Variants in CNTNAP2 observed in about 807,000 individuals in gnomAD.
CNTNAP2 encodes the protein contactin-associated protein-like 2.
A neutral mutation model predicts 155.2 loss-of-function variants in CNTNAP2; 98 were observed. That is an observed-to-expected ratio of 0.63 (90% CI 0.54 to 0.75). The LOEUF is 0.75. Among genes scored for constraint, CNTNAP2 ranks in the 30% least tolerant of loss-of-function variants. CNTNAP2 has a pLI of 0.00. For missense variants in CNTNAP2, 1,727 were observed against 1,688.1 expected (o/e 1.02, Z -0.40); for synonymous variants, 651 against 631.2 (o/e 1.03, Z -0.47).
intron 1 of CNTNAP2, among the ~76,000 whole-genome samples, chr7:146,146,527 T>C (rs2116766537): frequency 6.6e-6 from 1 of 152,276 alleles, no homozygotes; most frequent in African/African-American, 2.4e-5. Context: ...TTGAAGTTAT[T>C]TATTGCAAAG....
intron 12 of CNTNAP2, among the ~76,000 whole-genome samples, chr7:147,563,660 T>G (rs1444986622): frequency 8.0e-6 from 1 of 125,050 alleles, no homozygotes; most frequent in Non-Finnish European, 1.7e-5. Context: ...TAAATAAAAC[T>G]TGCCCATATT....
chr7:146,719,866 C>A lies in CNTNAP2; in HGVS notation c.98-54405C>A, dbSNP rs892100007. Among the ~76,000 whole-genome samples the A allele has an allele frequency of 2.0e-5, 3 of 152,076 alleles. No individual in the cohort carries two copies. In the South Asian group the frequency reaches 6.2e-4, roughly 32 times the overall value. ...TAATCCGATAAATGTCCAAAACTAT[C>A]ATTATATAGCATGACATTCAGTAAA... On this transcript the variant is annotated intron_variant, in intron 1 of 23. Coordinates refer to ENST00000361727, the MANE Select transcript of CNTNAP2 (RefSeq NM_014141.6).
chr7:146,791,969 T>C (rs1163895996), intron 2 of CNTNAP2, among the ~76,000 whole-genome samples: 1 of 152,164 alleles, frequency 6.6e-6, no homozygotes, highest in Non-Finnish European at 1.5e-5. Context: ...TTAGTTGGAA[T>C]AGAAAAAAGT....
intron 1 of CNTNAP2, among the ~76,000 whole-genome samples, chr7:146,404,648 A>G (rs1422177803): frequency 6.6e-6 from 1 of 152,154 alleles, no homozygotes; most frequent in African/African-American, 2.4e-5. Flanking sequence ...AAAGGCCTGC[A>G]GGATCTGGAA....
At chr7:148,023,080 T>C (rs1802314090) in intron 15 of CNTNAP2, among the ~76,000 whole-genome samples, 1 of 152,044 alleles carries the variant, frequency 6.6e-6, no homozygotes, top group African/African-American at 2.4e-5. Flanking sequence ...TAATGACAAT[T>C]ATAAAGATGT....
intron 1 of CNTNAP2, among the ~76,000 whole-genome samples, chr7:146,698,439 A>G (rs1800820248): frequency 6.6e-6 from 1 of 151,876 alleles, no homozygotes; most frequent in African/African-American, 2.4e-5. Flanking sequence ...CTGTACTTTT[A>G]TTTGTTTTTA....
intron 6 of CNTNAP2, among the ~76,000 whole-genome samples, chr7:147,127,491 G>T (rs939613118): frequency 2.6e-5 from 4 of 151,784 alleles, no homozygotes; most frequent in Admixed American, 2.6e-4. Context: ...TTTGTTCATG[G>T]ACCTTCCAGA....
intron 18 of CNTNAP2, among the ~76,000 whole-genome samples, chr7:148,202,252 G>A (rs973292659): frequency 3.3e-5 from 5 of 152,118 alleles, no homozygotes; most frequent in South Asian, 2.1e-4. Context: ...GGCTTGGCAC[G>A]CACATCACTA....
intron 1 of CNTNAP2, among the ~76,000 whole-genome samples, chr7:146,218,032 C>A (rs1799142316): frequency 6.6e-6 from 1 of 151,934 alleles, no homozygotes; most frequent in Non-Finnish European, 1.5e-5. Context: ...ATGTATGGAC[C>A]AAAGGCAAAT....
At chr7:148,223,578 A>G (rs1795790135) in intron 19 of CNTNAP2, among the ~76,000 whole-genome samples, 1 of 152,222 alleles carries the variant, frequency 6.6e-6, no homozygotes, top group African/African-American at 2.4e-5. Flanking sequence ...ATGGACAAAT[A>G]CTAGCATTCT....
At chr7:146,451,836 A>ATACGTG (rs1796485133) in intron 1 of CNTNAP2, among the ~76,000 whole-genome samples, 2 of 64,270 alleles carry the variant, frequency 3.1e-5, no homozygotes, top group African/African-American at 3.5e-4. Context: ...ATATATATAC[A>ATACGTG]TATATATATA....
At chr7:147,181,349 A>T (rs892204675) in intron 8 of CNTNAP2, among the ~76,000 whole-genome samples, 1 of 152,220 alleles carries the variant, frequency 6.6e-6, no homozygotes, top group Non-Finnish European at 1.5e-5. Flanking sequence ...TATTTTAAAG[A>T]TTAGAATTCA....
chr7:147,779,271 G>T (rs1190974741), intron 13 of CNTNAP2, among the ~76,000 whole-genome samples: 4 of 152,174 alleles, frequency 2.6e-5, no homozygotes, highest in Non-Finnish European at 4.4e-5. Flanking sequence ...GTATTTATGG[G>T]CATCAACTAA....
chr7:148,400,052 C>T lies in CNTNAP2; in HGVS notation c.3716-9339C>T, dbSNP rs143952102. 9.8e-3 allele frequency among the ~76,000 whole-genome samples: 1,497 copies of T among 152,274 alleles called. 26 individuals are homozygous for T. The highest frequency in any genetic ancestry group is 0.034 in the African/African-American group (1,410 of 41,550). ...GCAGCATTTTTACCAAAGCTCAGGGCATCCGTATGCCCCTTAATGTTTGAA... is the reference window on the plus strand; with the variant it reads ...GCAGCATTTTTACCAAAGCTCAGGGTATCCGTATGCCCCTTAATGTTTGAA... On this transcript the variant is annotated intron_variant, in intron 22 of 23. Coordinates refer to ENST00000361727, the MANE Select transcript of CNTNAP2 (RefSeq NM_014141.6).
intron 2 of CNTNAP2, among the ~76,000 whole-genome samples, chr7:146,786,581 A>G (rs923393978): frequency 2.0e-5 from 3 of 152,156 alleles, no homozygotes; most frequent in Non-Finnish European, 4.4e-5. Context: ...TTGCTTTAAA[A>G]CTCAGATATA....
chr7:146,722,686 C>T (rs1801358247), intron 1 of CNTNAP2, among the ~76,000 whole-genome samples: 1 of 151,088 alleles, frequency 6.6e-6, no homozygotes, highest in African/African-American at 2.5e-5. Context: ...GTGTTATGGA[C>T]TGAATTGCGT....
At chr7:147,946,926 A>G (rs1032391003) in intron 14 of CNTNAP2, among the ~76,000 whole-genome samples, 1 of 152,220 alleles carries the variant, frequency 6.6e-6, no homozygotes, top group Non-Finnish European at 1.5e-5. Flanking sequence ...GAATGACCCA[A>G]TAATCCAGTG....
chr7:148,234,030 C>T (rs1796007537), intron 20 of CNTNAP2, among the ~76,000 whole-genome samples: 1 of 152,216 alleles, frequency 6.6e-6, no homozygotes, highest in Non-Finnish European at 1.5e-5. Context: ...TCTCCCCAGC[C>T]ATGCTTCCTG....
chr7:148,370,131 C>T (rs1282864126), intron 21 of CNTNAP2, among the ~76,000 whole-genome samples: 1 of 152,146 alleles, frequency 6.6e-6, no homozygotes, highest in African/African-American at 2.4e-5. Context: ...AATGGCCCGG[C>T]CTCCTCCCAC....
Sources: allele counts gnomAD v4.1 joint callset (sites outside exome capture counted in the v4.1 genomes callset), GRCh38; gene constraint gnomAD v4.1.1; transcripts MANE v1.5; gene names NCBI Gene and HGNC (gene_info 2026-07-23, HGNC 2026-07-21).